SND1: variants seen among roughly 807,000 people sequenced by gnomAD.
The protein encoded by SND1 is staphylococcal nuclease and tudor domain containing 1.
A neutral mutation model predicts 121.7 loss-of-function variants in SND1; 38 were observed. The observed-to-expected ratio is 0.31, with a 90% CI of 0.24 to 0.41. The LOEUF (loss-of-function observed/expected upper bound fraction) is 0.41, where lower values mean the gene tolerates loss of function less well. Among genes scored for constraint, SND1 ranks in the 10% least tolerant of loss-of-function variants. SND1 has a pLI of 1.00. For missense variants in SND1, 868 were observed against 1,184.6 expected (o/e 0.73, Z 3.92); for synonymous variants, 401 against 447.4 (o/e 0.90, Z 1.31).
At chr7:128,057,683 G>A (rs533115005) in intron 16 of SND1, among the ~76,000 whole-genome samples, 17 of 152,144 alleles carry the variant, frequency 1.1e-4, no homozygotes, top group African/African-American at 4.1e-4. Context: ...AATCTCGCTA[G>A]TGTGGCCAGT....
chr7:127,753,977 A>C (rs1461585766), intron 10 of SND1, among the ~76,000 whole-genome samples: 1 of 152,206 alleles, frequency 6.6e-6, no homozygotes, highest in Admixed American at 6.5e-5. Context: ...AGTCCCCTTG[A>C]ACGCTCAGAG....
At chr7:127,833,120 G>A (rs1798794534) in intron 11 of SND1, among the ~76,000 whole-genome samples, 1 of 152,126 alleles carries the variant, frequency 6.6e-6, no homozygotes, top group Non-Finnish European at 1.5e-5. Context: ...CCTGAGAAAG[G>A]TGGCCTAAAA....
At chr7:128,035,738 T>C (rs1032301571) in intron 16 of SND1, among the ~76,000 whole-genome samples, 2 of 152,330 alleles carry the variant, frequency 1.3e-5, no homozygotes, top group Middle Eastern at 3.4e-3. Context: ...GAGTCTTCAA[T>C]AGCACCAGTC....
intron 12 of SND1, among the ~76,000 whole-genome samples, chr7:127,877,322 AACACTGTATTCTCT>A (rs1584635482): frequency 6.6e-6 from 1 of 152,078 alleles, no homozygotes; most frequent in African/African-American, 2.4e-5. Context: ...CCATACTTTT[AACACTGTATTCTCT>A]ACTTGCCAGC....
chr7:127,695,665 T>A (rs187390845), intron 3 of SND1, among the ~76,000 whole-genome samples: 6 of 152,100 alleles, frequency 3.9e-5, no homozygotes, highest in Non-Finnish European at 8.8e-5. Flanking sequence ...AAACCCCGTT[T>A]CTATGGAAAA....
intron 16 of SND1, among the ~76,000 whole-genome samples, chr7:128,037,390 G>A (rs1337326593): frequency 6.6e-6 from 1 of 152,114 alleles, no homozygotes; most frequent in Non-Finnish European, 1.5e-5. Flanking sequence ...TGGATTTAGG[G>A]CCTACCTGGA....
chr7:127,901,250 C>T (rs537006850), intron 13 of SND1, among the ~76,000 whole-genome samples: 1 of 152,280 alleles, frequency 6.6e-6, no homozygotes, highest in Non-Finnish European at 1.5e-5. Context: ...GAGCCTGGGT[C>T]TCCATGTCAT....
intron 13 of SND1, among the ~76,000 whole-genome samples, chr7:127,903,163 T>G (rs1486553725): frequency 1.3e-5 from 2 of 152,106 alleles, no homozygotes; most frequent in Non-Finnish European, 2.9e-5. Flanking sequence ...ATTACAGGCT[T>G]GAGCCCCCAC....
intron 13 of SND1, among the ~76,000 whole-genome samples, chr7:127,895,362 T>TA (rs1800098053): frequency 6.6e-6 from 1 of 152,114 alleles, no homozygotes; most frequent in Non-Finnish European, 1.5e-5. Context: ...TTCGGTGCCT[T>TA]ACGACTGCCC....
At chr7:127,715,621 T>A (rs1017009647) in intron 9 of SND1, among the ~76,000 whole-genome samples, 5 of 152,214 alleles carry the variant, frequency 3.3e-5, no homozygotes, top group Non-Finnish European at 7.3e-5. Context: ...AGGAGTTCTC[T>A]ATATATTCTG....
intron 16 of SND1, among the ~76,000 whole-genome samples, chr7:128,024,699 G>A (rs1803434077): frequency 6.6e-6 from 1 of 152,208 alleles, no homozygotes; most frequent in Admixed American, 6.5e-5. Context: ...TTAGAAACTA[G>A]CCTATCTACC....
chr7:128,009,637 G>C (rs1490356954), intron 16 of SND1, among the ~76,000 whole-genome samples: 2 of 152,310 alleles, frequency 1.3e-5, no homozygotes, highest in African/African-American at 4.8e-5. Flanking sequence ...GGGGCTAGTG[G>C]CCACCTTATT....
intron 17 of SND1, among the ~76,000 whole-genome samples, chr7:128,079,331 TG>T (rs1793559133): frequency 6.6e-6 from 1 of 152,270 alleles, no homozygotes; most frequent in African/African-American, 2.4e-5. Context: ...TTAGGGCCTC[TG>T]TCCTGACTAG....
intron 10 of SND1, among the ~76,000 whole-genome samples, chr7:127,785,693 G>C (rs1055726906): frequency 3.3e-5 from 5 of 152,180 alleles, no homozygotes; most frequent in Non-Finnish European, 5.9e-5. Flanking sequence ...CTTTCTCATA[G>C]TTATTCATTG....
At chr7:127,803,711 A>C (rs182140837) in intron 10 of SND1, among the ~76,000 whole-genome samples, 28 of 152,270 alleles carry the variant, frequency 1.8e-4, no homozygotes, top group Admixed American at 1.4e-3. Context: ...GACTTGATTC[A>C]AGTTCTCTTT....
intron 14 of SND1, among the ~76,000 whole-genome samples, chr7:127,910,394 A>G (rs1723314934): frequency 6.6e-6 from 1 of 152,088 alleles, no homozygotes; most frequent in Non-Finnish European, 1.5e-5. Context: ...GCAGTGAGCT[A>G]AGATAGCATC....
chr7:127,892,396 C>G (rs180807141), intron 13 of SND1, among the ~76,000 whole-genome samples: 17 of 152,242 alleles, frequency 1.1e-4, no homozygotes, highest in Non-Finnish European at 1.9e-4. Flanking sequence ...AGCATATCCA[C>G]CTGCCTGCAT....
intron 16 of SND1, chr7:128,028,654 T>TTA: frequency 6.3e-7 from 1 of 1,590,710 alleles, no homozygotes; most frequent in Non-Finnish European, 8.6e-7. Context: ...CTATTGCATT[T>TTA]TATAAGTTTT....
At chr7:128,031,270 G>T (rs1477533397) in intron 16 of SND1, among the ~76,000 whole-genome samples, 1 of 150,526 alleles carries the variant, frequency 6.6e-6, no homozygotes, top group Non-Finnish European at 1.5e-5. Context: ...AGCCGCGGGG[G>T]AAGGCGCTTC....
Sources: gnomAD v4.1 joint callset for allele counts (sites outside exome capture counted in the v4.1 genomes callset) on GRCh38, gnomAD v4.1.1 for gene constraint, MANE v1.5 for transcripts, NCBI Gene and HGNC (gene_info 2026-07-23, HGNC 2026-07-21) for gene names.